GALNT7: variants seen among roughly 807,000 people sequenced by gnomAD.
GALNT7 encodes N-acetylgalactosaminyltransferase 7.
In GALNT7, 60 loss-of-function variants were observed where a neutral mutation model predicts 82.1. That is an observed-to-expected ratio of 0.73 (90% CI 0.59 to 0.91). The LOEUF (loss-of-function observed/expected upper bound fraction) is 0.91. Ranked by LOEUF, GALNT7 falls within the 40% of genes least tolerant of loss-of-function variation. GALNT7 has a pLI of 0.00. For missense variants in GALNT7, 660 were observed against 804.2 expected, an observed-to-expected ratio of 0.82 and a Z score of 2.17; for synonymous variants, 243 against 275.1, an observed-to-expected ratio of 0.88 and a Z score of 1.15.
intron 2 of GALNT7, chr4:173,268,247 G>C (rs1026784857): frequency 6.5e-6 from 1 of 153,818 alleles, no homozygotes; most frequent in Admixed American, 6.6e-5. Context: ...CTTGTTTTAG[G>C]CATGTATCTA....
intron 1 of GALNT7, among the ~76,000 whole-genome samples, chr4:173,223,713 A>T (rs1733712534): frequency 6.6e-6 from 1 of 152,198 alleles, no homozygotes; most frequent in South Asian, 2.1e-4. Flanking sequence ...CAAAAAGCTG[A>T]AAGACTAGTA....
intron 1 of GALNT7, among the ~76,000 whole-genome samples, chr4:173,199,399 T>C (rs1193915274): frequency 1.3e-5 from 2 of 152,170 alleles, no homozygotes; most frequent in East Asian, 3.9e-4. Context: ...AGTGGATTGT[T>C]AGTATATGCA....
chr4:173,309,921 C>CA (rs1211690168), intron 8 of GALNT7, among the ~76,000 whole-genome samples: 1 of 151,952 alleles, frequency 6.6e-6, no homozygotes. Flanking sequence ...CAAATTGACT[C>CA]AAAAAAAGTC....
intron 1 of GALNT7, among the ~76,000 whole-genome samples, chr4:173,231,181 G>A (rs531754401): frequency 1.4e-4 from 21 of 152,212 alleles, no homozygotes; most frequent in Middle Eastern, 3.4e-3. Context: ...GCTGTCAGGG[G>A]AAATCATGAC....
Position 173,312,397 on chromosome 4 carries a change from C to T in GALNT7, c.1390-1561C>T, listed in dbSNP as rs868050101. ...CATGTGCAAAGAGATCATCACATGG[C>T]GAGAGAGGAAGCAAGAGAGAGACCA... On this transcript the variant is annotated intron_variant, in intron 8 of 11. Transcript: ENST00000265000. Among the ~76,000 whole-genome samples, 6 of 152,220 alleles carry T rather than the reference C, an allele frequency of 3.9e-5. 1 individual carries two copies. The highest frequency in any genetic ancestry group is 6.8e-3 in the Middle Eastern group (2 of 294).
At position 173,304,080 on chromosome 4, in the gene GALNT7, C is replaced by A; in HGVS notation, c.1351C>A (p.Pro451Thr). The change falls in exon 8 of 12, where the codon CCT (proline) becomes ACT (threonine). Residue 451 changes from proline (P) to threonine (T), a missense_variant. This residue lies in a region of GALNT7 where 527 missense variants were observed against 683.5 expected (regional missense o/e 0.77). Coordinates refer to ENST00000265000, the MANE Select transcript of GALNT7 (RefSeq NM_017423.3). ...CCGTCTTGAGGGCTGGCAAGGAAATCCTCCGCCCATTTATGTTGGGTCTTC... is the reference window on the plus strand; with the variant it reads ...CCGTCTTGAGGGCTGGCAAGGAAATACTCCGCCCATTTATGTTGGGTCTTC... ...IYRLEGWQGN[P>T]PPIYVGSSPT... The A allele has an allele frequency of 6.2e-7, 1 of 1,613,364 alleles. No homozygotes were observed. Among genetic ancestry groups the A allele is most frequent in the Non-Finnish European group, 8.5e-7 (1 of 1,179,550 alleles).
chr4:173,305,500 A>G lies in GALNT7; in HGVS notation c.1389+1382A>G, dbSNP rs1430334106. On this transcript the variant is annotated intron_variant, in intron 8 of 11. Transcript: ENST00000265000. ...TGGGGTTGTTACATCCAAAACCAAT[A>G]TCATGGAATTTTTTCTTTTAGAAGT... Among the ~76,000 whole-genome samples the G allele has an allele frequency of 3.3e-5, 5 of 152,144 alleles. 1 individual carries two copies. The highest frequency in any genetic ancestry group is 4.1e-4 in the South Asian group (2 of 4,828).
intron 8 of GALNT7, among the ~76,000 whole-genome samples, chr4:173,308,425 A>G (rs1347810303): frequency 6.6e-6 from 1 of 152,134 alleles, no homozygotes; most frequent in Non-Finnish European, 1.5e-5. Flanking sequence ...TGAGTAAAAT[A>G]TGGTTTGGTT....
intron 5 of GALNT7, chr4:173,297,747 C>A: frequency 1.1e-6 from 1 of 930,360 alleles, no homozygotes; most frequent in Non-Finnish European, 1.5e-6. Context: ...GCATGCTGAA[C>A]TAGTCTTGGG....
chr4:173,245,026 C>T (rs781710203), intron 1 of GALNT7, among the ~76,000 whole-genome samples: 1 of 151,942 alleles, frequency 6.6e-6, no homozygotes, highest in Admixed American at 6.6e-5. Flanking sequence ...AAGAAGTTGC[C>T]TGTAAGGTTT....
At chr4:173,224,886 G>A (rs901334438) in intron 1 of GALNT7, among the ~76,000 whole-genome samples, 18 of 151,740 alleles carry the variant, frequency 1.2e-4, no homozygotes, top group South Asian at 6.2e-4. Flanking sequence ...GTGGTGGCGC[G>A]CGCCTGTAGT....
In GALNT7 at chr4:173,318,290, T is replaced by A. The variant is rs531815818; in HGVS notation, c.1708-141T>A. On this transcript the variant is annotated intron_variant, in intron 10 of 11. Transcript: ENST00000265000. The stretch of plus-strand genomic sequence containing the variant: ...CATCAAAATAAATATAATTTGTCTG[T>A]GGACTTACAGTTCTAAACAAAATTA... 8.2e-6 allele frequency: 5 copies of A among 606,458 alleles called. No homozygotes were observed. In the East Asian group the frequency reaches 1.6e-4, roughly 19 times the overall value. 37.6% of individuals were successfully genotyped at this position (606,458 alleles called of 1,614,324 possible).
chr4:173,246,612 A>G (rs989846194), intron 1 of GALNT7, among the ~76,000 whole-genome samples: 2 of 152,192 alleles, frequency 1.3e-5, no homozygotes, highest in African/African-American at 2.4e-5. Flanking sequence ...CTTGAAAATC[A>G]AGACTTAGCG....
At position 173,260,799 on chromosome 4, in the gene GALNT7, T is replaced by C. The variant is rs115409129; in HGVS notation, c.587+12359T>C. Among the ~76,000 whole-genome samples, 1,175 of 152,308 alleles carry C rather than the reference T, an allele frequency of 7.7e-3. 13 individuals carry two copies. The highest frequency in any genetic ancestry group is 0.026 in the African/African-American group (1,097 of 41,568). ...TAAGTAAGGACCAAAATACTTCTAA[T>C]ATTAAATATTGAAATAAATGTGAAG... On this transcript the variant is annotated intron_variant, in intron 2 of 11. Coordinates refer to ENST00000265000, the MANE Select transcript of GALNT7 (RefSeq NM_017423.3).
chr4:173,185,413 CA>C (rs33996293), intron 1 of GALNT7, among the ~76,000 whole-genome samples: 58 of 142,112 alleles, frequency 4.1e-4, no homozygotes, highest in African/African-American at 9.9e-4. Flanking sequence ...CAATGAATCT[CA>C]AAAAAAAAAA....
At chr4:173,263,755 GTA>G (rs779766952) in intron 2 of GALNT7, among the ~76,000 whole-genome samples, 2 of 152,168 alleles carry the variant, frequency 1.3e-5, no homozygotes, top group Non-Finnish European at 2.9e-5. Flanking sequence ...TATAATATCA[GTA>G]TTTTGTAATG....
At chr4:173,237,773 A>C (rs1222126672) in intron 1 of GALNT7, among the ~76,000 whole-genome samples, 1 of 151,928 alleles carries the variant, frequency 6.6e-6, no homozygotes. Context: ...AAAAAAAAAA[A>C]AGTGTTAACA....
chr4:173,175,433 G>GCC (rs1732006046), intron 1 of GALNT7, among the ~76,000 whole-genome samples: 1 of 152,182 alleles, frequency 6.6e-6, no homozygotes, highest in Admixed American at 6.5e-5. Context: ...TAATTGTAGA[G>GCC]CCAGGATTCA....
chr4:173,190,683 G>A (rs953123786), intron 1 of GALNT7, among the ~76,000 whole-genome samples: 1 of 151,538 alleles, frequency 6.6e-6, no homozygotes, highest in Non-Finnish European at 1.5e-5. Context: ...TTTTTAATGC[G>A]TTCATTATTA....
Sources: gnomAD v4.1 joint callset for allele counts (sites outside exome capture counted in the v4.1 genomes callset) on GRCh38, gnomAD v4.1.1 for gene constraint, gnomAD v4.1.1 regional missense constraint, MANE v1.5 for transcripts, NCBI Gene and HGNC (gene_info 2026-07-23, HGNC 2026-07-21) for gene names.